The following CNTNAP2 variants were observed in gnomAD, a reference collection of about 807,000 sequenced individuals.
The protein encoded by CNTNAP2 is contactin associated protein 2.
In CNTNAP2, 98 loss-of-function variants were observed where a neutral mutation model predicts 155.2. The ratio of observed to expected loss-of-function variants is 0.63; its 90% CI spans 0.54 to 0.75. The LOEUF is 0.75. Ranked by LOEUF, CNTNAP2 falls within the 30% of genes least tolerant of loss-of-function variation. The pLI, the probability that CNTNAP2 is intolerant of heterozygous loss-of-function variation, is 0.00. For missense variants in CNTNAP2, 1,727 were observed against 1,688.1 expected, an observed-to-expected ratio of 1.02 and a Z score of -0.40; for synonymous variants, 651 against 631.2, an observed-to-expected ratio of 1.03 and a Z score of -0.47.
chr7:148,189,540 G>C (rs576527190), intron 18 of CNTNAP2, among the ~76,000 whole-genome samples: 22 of 152,264 alleles, frequency 1.4e-4, no homozygotes, highest in African/African-American at 5.1e-4. Flanking sequence ...CTTCTGGGTG[G>C]CAGAAGCTCA....
chr7:147,294,117 C>T (rs1002437810), intron 8 of CNTNAP2, among the ~76,000 whole-genome samples: 3 of 152,144 alleles, frequency 2.0e-5, no homozygotes, highest in Non-Finnish European at 2.9e-5. Flanking sequence ...CAATCTCAGC[C>T]TCTTATGGGG....
At chr7:147,349,389 A>G (rs1411476708) in intron 9 of CNTNAP2, among the ~76,000 whole-genome samples, 1 of 151,952 alleles carries the variant, frequency 6.6e-6, no homozygotes, top group African/African-American at 2.4e-5. Flanking sequence ...GAGAATTTCA[A>G]CTCTAAAAAT....
rs762593434 is a variant in CNTNAP2 at position 146,795,590 on chromosome 7, A to G, written c.208+21209A>G. Among the ~76,000 whole-genome samples the G allele has an allele frequency of 6.6e-5, 10 of 152,338 alleles. No homozygotes were observed. The Middle Eastern group carries it at 0.014, about 207-fold the overall frequency. ...GTCACATGTCACAGCTGTCTGAAGC[A>G]GGGGCTAGAAGCTGGAGACTTTATA... On this transcript the variant is annotated intron_variant, in intron 2 of 23. Coordinates refer to ENST00000361727, the MANE Select transcript of CNTNAP2 (RefSeq NM_014141.6).
chr7:146,778,591 G>A lies in CNTNAP2; in HGVS notation c.208+4210G>A, dbSNP rs115019299. Reference sequence around the variant, plus strand: ...TGTCATTCTGAGTTAGTAGCACTTAGATGTGTTACTCTTTCCAAGGTTAGC... The same window carrying A: ...TGTCATTCTGAGTTAGTAGCACTTAAATGTGTTACTCTTTCCAAGGTTAGC... On this transcript the variant is annotated intron_variant, in intron 2 of 23. Transcript: ENST00000361727. 2.9e-3 allele frequency among the ~76,000 whole-genome samples: 441 copies of A among 152,266 alleles called. 5 individuals carry two copies. Among genetic ancestry groups the A allele is most frequent in the African/African-American group, 9.8e-3 (408 of 41,558 alleles).
At chr7:146,502,233 A>ATG (rs1563109643) in intron 1 of CNTNAP2, among the ~76,000 whole-genome samples, 1 of 54,484 alleles carries the variant, frequency 1.8e-5, no homozygotes, top group Non-Finnish European at 3.6e-5. Context: ...GAATATATAT[A>ATG]TATATATATA....
intron 10 of CNTNAP2, among the ~76,000 whole-genome samples, chr7:147,466,385 T>G (rs953873874): frequency 6.6e-6 from 1 of 152,070 alleles, no homozygotes; most frequent in Non-Finnish European, 1.5e-5. Flanking sequence ...CACAGAATGG[T>G]GGAGGGAAAA....
intron 2 of CNTNAP2, among the ~76,000 whole-genome samples, chr7:146,802,687 G>A (rs1802901548): frequency 6.6e-6 from 1 of 152,118 alleles, no homozygotes; most frequent in Non-Finnish European, 1.5e-5. Flanking sequence ...AGGCCTCCCA[G>A]CCCTGGTTCC....
intron 1 of CNTNAP2, among the ~76,000 whole-genome samples, chr7:146,717,275 G>A (rs1801205310): frequency 6.6e-6 from 1 of 151,968 alleles, no homozygotes; most frequent in South Asian, 2.1e-4. Flanking sequence ...GGCCGAGGCG[G>A]GTGGATCACC....
intron 15 of CNTNAP2, among the ~76,000 whole-genome samples, chr7:148,112,427 T>G (rs1585131815): frequency 6.6e-6 from 1 of 151,076 alleles, no homozygotes; most frequent in African/African-American, 2.4e-5. Flanking sequence ...ATTATTATTA[T>G]TATTATTATT....
intron 11 of CNTNAP2, among the ~76,000 whole-genome samples, chr7:147,544,357 G>C (rs1361448487): frequency 2.6e-5 from 4 of 152,214 alleles, no homozygotes; most frequent in African/African-American, 9.6e-5. Context: ...CTGGTAATGA[G>C]AGAAATGCAA....
chr7:147,528,692 G>C (rs1799373815), intron 11 of CNTNAP2, among the ~76,000 whole-genome samples: 1 of 152,138 alleles, frequency 6.6e-6, no homozygotes, highest in African/African-American at 2.4e-5. Context: ...GAGCTAGGTT[G>C]GCCCACACAT....
rs148420196 is a variant in CNTNAP2, at chr7:146,433,819, A to G, written c.97+316846A>G. 7.2e-4 allele frequency among the ~76,000 whole-genome samples: 109 copies of G among 152,270 alleles called. 1 individual carries two copies. In the East Asian group the frequency reaches 0.012, roughly 17 times the overall value. ...AACTCCGTCATGATATGTTGATTTGAATAAATGTATGTACACAAATGTAAT... is the reference window on the plus strand; with the variant it reads ...AACTCCGTCATGATATGTTGATTTGGATAAATGTATGTACACAAATGTAAT... On this transcript the variant is annotated intron_variant, in intron 1 of 23. Transcript: ENST00000361727.
chr7:146,581,687 C>T (rs7788025), intron 1 of CNTNAP2, among the ~76,000 whole-genome samples: 2,928 of 151,458 alleles, frequency 0.019, 116 homozygotes, highest in African/African-American at 0.066. Flanking sequence ...TTTGAATAAT[C>T]CAATTTTATT....
At chr7:148,301,458 A>G (rs1797391280) in intron 21 of CNTNAP2, among the ~76,000 whole-genome samples, 1 of 151,688 alleles carries the variant, frequency 6.6e-6, no homozygotes, top group African/African-American at 2.4e-5. Flanking sequence ...ATGGACTCCA[A>G]GGATGCATTC....
chr7:148,159,582 C>T (rs1310132177), intron 17 of CNTNAP2, among the ~76,000 whole-genome samples: 1 of 152,144 alleles, frequency 6.6e-6, no homozygotes. Context: ...TGCAACTCTG[C>T]CACCACGAAT....
chr7:148,097,548 G>A (rs534691756), intron 15 of CNTNAP2, among the ~76,000 whole-genome samples: 222 of 152,130 alleles, frequency 1.5e-3, no homozygotes, highest in Non-Finnish European at 2.5e-3. Flanking sequence ...GCAGTGGCGC[G>A]ATCTTGGCTC....
intron 1 of CNTNAP2, among the ~76,000 whole-genome samples, chr7:146,496,699 A>G (rs1797220286): frequency 6.6e-6 from 1 of 152,170 alleles, no homozygotes; most frequent in Non-Finnish European, 1.5e-5. Flanking sequence ...GACGAAATCC[A>G]TGTCTACCAG....
At chr7:147,797,149 C>T (rs921794160) in intron 13 of CNTNAP2, among the ~76,000 whole-genome samples, 1 of 152,134 alleles carries the variant, frequency 6.6e-6, no homozygotes, top group African/African-American at 2.4e-5. Flanking sequence ...TCACATTCTC[C>T]TGTTATAATT....
intron 4 of CNTNAP2, among the ~76,000 whole-genome samples, chr7:147,099,538 T>A (rs1195609696): frequency 6.6e-6 from 1 of 152,156 alleles, no homozygotes; most frequent in Non-Finnish European, 1.5e-5. Context: ...TTCCTCAATA[T>A]TATATAAATT....
Sources: allele counts gnomAD v4.1 joint callset (sites outside exome capture counted in the v4.1 genomes callset), GRCh38; gene constraint gnomAD v4.1.1; transcripts MANE v1.5; gene names NCBI Gene and HGNC (gene_info 2026-07-23, HGNC 2026-07-21).